The following CNTNAP5 variants were observed in gnomAD, a reference collection of about 807,000 sequenced individuals.
CNTNAP5 encodes the protein contactin-associated protein-like 5.
Under a neutral mutation model 150.2 loss-of-function variants are expected in CNTNAP5, and 72 were observed. That is an observed-to-expected ratio of 0.48 (90% CI 0.40 to 0.58). The LOEUF (loss-of-function observed/expected upper bound fraction) is 0.58. CNTNAP5 is among the 20% of genes least tolerant of loss of function. The pLI, the probability that CNTNAP5 is intolerant of heterozygous loss-of-function variation, is 0.00. For synonymous variants in CNTNAP5, 672 were observed against 619.8 expected, an observed-to-expected ratio of 1.08 and a Z score of -1.25; for missense variants, 1,636 against 1,626.2, an observed-to-expected ratio of 1.01 and a Z score of -0.10.
At chr2:124,332,079 T>G (rs892191106) in intron 3 of CNTNAP5, among the ~76,000 whole-genome samples, 2 of 151,786 alleles carry the variant, frequency 1.3e-5, no homozygotes, top group Non-Finnish European at 3.0e-5. Flanking sequence ...ATTTTACAAC[T>G]TTTTTAAACA....
chr2:124,195,551 T>G (rs1056390102), intron 1 of CNTNAP5, among the ~76,000 whole-genome samples: 1 of 152,292 alleles, frequency 6.6e-6, no homozygotes, highest in East Asian at 1.9e-4. Flanking sequence ...TAGGCTGGGT[T>G]TGGCCCCTAC....
At chr2:124,854,474 G>C (rs906279624) in intron 19 of CNTNAP5, among the ~76,000 whole-genome samples, 2 of 152,178 alleles carry the variant, frequency 1.3e-5, no homozygotes, top group African/African-American at 4.8e-5. Flanking sequence ...CTAATACAGA[G>C]TAGGCACATC....
intron 1 of CNTNAP5, among the ~76,000 whole-genome samples, chr2:124,089,088 A>G (rs922814480): frequency 6.6e-6 from 1 of 152,186 alleles, no homozygotes; most frequent in African/African-American, 2.4e-5. Context: ...GGGAAAAACA[A>G]AACTCAAGGC....
chr2:124,481,799 A>AT (rs549391085), intron 7 of CNTNAP5, among the ~76,000 whole-genome samples: 2 of 152,254 alleles, frequency 1.3e-5, no homozygotes, highest in East Asian at 3.9e-4. Flanking sequence ...AGTTGTTTGA[A>AT]TTTTTTTCTG....
chr2:124,536,631 A>G (rs911001533), intron 10 of CNTNAP5, among the ~76,000 whole-genome samples: 19 of 152,186 alleles, frequency 1.2e-4, no homozygotes, highest in African/African-American at 3.1e-4. Context: ...ATTCCTCAGT[A>G]TATATAAATA....
chr2:124,265,015 G>A (rs1687569821), intron 3 of CNTNAP5, among the ~76,000 whole-genome samples: 1 of 152,202 alleles, frequency 6.6e-6, no homozygotes, highest in Admixed American at 6.5e-5. Flanking sequence ...ATGACAGAGT[G>A]GCTGTTCTCA....
chr2:124,090,489 T>C (rs1682788447), intron 1 of CNTNAP5, among the ~76,000 whole-genome samples: 1 of 152,192 alleles, frequency 6.6e-6, no homozygotes, highest in Non-Finnish European at 1.5e-5. Flanking sequence ...ACTAGCTCTT[T>C]TATGTTTTAT....
chr2:124,901,488 G>GA (rs1367785325), intron 21 of CNTNAP5, among the ~76,000 whole-genome samples: 1 of 152,172 alleles, frequency 6.6e-6, no homozygotes, highest in Non-Finnish European at 1.5e-5. Context: ...TTGAAATAGA[G>GA]AAGGAGTCTA....
chr2:124,294,361 T>G (rs1263524844), intron 3 of CNTNAP5, among the ~76,000 whole-genome samples: 1 of 152,180 alleles, frequency 6.6e-6, no homozygotes, highest in Non-Finnish European at 1.5e-5. Context: ...ACAGGAATTT[T>G]TTTTTTTTAA....
chr2:124,851,359 AAAAG>A (rs1218477782), intron 19 of CNTNAP5, among the ~76,000 whole-genome samples: 2 of 152,212 alleles, frequency 1.3e-5, no homozygotes, highest in Non-Finnish European at 2.9e-5. Flanking sequence ...TCCATCCAAA[AAAAG>A]AAAGAAAGTT....
intron 4 of CNTNAP5, among the ~76,000 whole-genome samples, chr2:124,431,508 G>GATATAT (rs201654852): frequency 0.014 from 1,578 of 113,914 alleles, 62 homozygotes; most frequent in African/African-American, 0.047. Context: ...AAGTGTCAAA[G>GATATAT]ATATATATAT....
At chr2:124,081,765 C>A (rs1372955125) in intron 1 of CNTNAP5, among the ~76,000 whole-genome samples, 1 of 152,246 alleles carries the variant, frequency 6.6e-6, no homozygotes, top group Admixed American at 6.5e-5. Context: ...TTTTAATTGA[C>A]CTGTTCATTT....
At chr2:124,054,002 A>C (rs1681778592) in intron 1 of CNTNAP5, among the ~76,000 whole-genome samples, 1 of 152,222 alleles carries the variant, frequency 6.6e-6, no homozygotes, top group South Asian at 2.1e-4. Context: ...AAGAGAAAGA[A>C]AGATGTCAAC....
intron 3 of CNTNAP5, among the ~76,000 whole-genome samples, chr2:124,383,504 C>A: frequency 6.6e-6 from 1 of 152,210 alleles, no homozygotes; most frequent in East Asian, 1.9e-4. Flanking sequence ...TGCTTACAGA[C>A]AGCCCCATAC....
intron 7 of CNTNAP5, among the ~76,000 whole-genome samples, chr2:124,494,118 G>A (rs923970730): frequency 2.3e-5 from 3 of 131,900 alleles, no homozygotes; most frequent in African/African-American, 8.3e-5. Flanking sequence ...GGGTGGGGGG[G>A]TAGGGGAAAT....
At chr2:124,814,986 C>T (rs1682330023) in intron 19 of CNTNAP5, among the ~76,000 whole-genome samples, 1 of 152,026 alleles carries the variant, frequency 6.6e-6, no homozygotes, top group South Asian at 2.1e-4. Flanking sequence ...TTAGGTGGGG[C>T]CTCTAAAAAG....
chr2:124,325,489 A>C (rs987824764), intron 3 of CNTNAP5, among the ~76,000 whole-genome samples: 1 of 152,210 alleles, frequency 6.6e-6, no homozygotes, highest in Non-Finnish European at 1.5e-5. Context: ...TTATCTCATC[A>C]ATGATGTTTC....
At chr2:124,114,293 A>G (rs1358758625) in intron 1 of CNTNAP5, among the ~76,000 whole-genome samples, 2 of 151,988 alleles carry the variant, frequency 1.3e-5, no homozygotes, top group African/African-American at 4.8e-5. Flanking sequence ...CTTCTTGTAT[A>G]TTTCACTCAA....
intron 1 of CNTNAP5, among the ~76,000 whole-genome samples, chr2:124,157,992 C>T (rs555583388): frequency 6.6e-6 from 1 of 152,270 alleles, no homozygotes; most frequent in South Asian, 2.1e-4. Context: ...AGCCATAACT[C>T]TGTTCATTTT....
Sources: allele counts gnomAD v4.1 joint callset (sites outside exome capture counted in the v4.1 genomes callset), GRCh38; gene constraint gnomAD v4.1.1; transcripts MANE v1.5; gene names NCBI Gene and HGNC (gene_info 2026-07-23, HGNC 2026-07-21).